PIP4P2: variants seen among roughly 807,000 people sequenced by gnomAD.
PIP4P2 encodes the protein type 2 phosphatidylinositol 4,5-bisphosphate 4-phosphatase.
In PIP4P2, 19 loss-of-function variants were observed where a neutral mutation model predicts 33.3. The observed-to-expected ratio is 0.57, with a 90% CI of 0.40 to 0.84. The LOEUF is 0.84. Among genes scored for constraint, PIP4P2 ranks in the 40% least tolerant of loss-of-function variants. PIP4P2 has a pLI of 0.00. For synonymous variants in PIP4P2, 110 were observed against 111.9 expected (o/e 0.98, Z 0.11); for missense variants, 270 against 324.7 (o/e 0.83, Z 1.29).
intron 4 of PIP4P2, among the ~76,000 whole-genome samples, chr8:91,017,683 C>T (rs1028249173): frequency 2.0e-5 from 3 of 152,010 alleles, no homozygotes; most frequent in Non-Finnish European, 2.9e-5. Context: ...CATGTGTATA[C>T]TCTGATAAAT....
rs563998111 is a variant in PIP4P2 at position 91,004,868 on chromosome 8, T to G, written c.539+3875A>C. ...AGAGTTGGGGGTACTGAGGTGGGGG[T>G]TTAGGAGGAATAGTAGATATCTGGA... On this transcript the variant is annotated intron_variant, in intron 5 of 6. Transcript: ENST00000285419. 1.1e-3 allele frequency among the ~76,000 whole-genome samples: 171 copies of G among 151,762 alleles called. 1 individual carries two copies. The highest frequency in any genetic ancestry group is 4.0e-3 in the African/African-American group (164 of 41,340).
At chr8:91,028,423 G>A (rs1334868591) in intron 1 of PIP4P2, among the ~76,000 whole-genome samples, 1 of 152,122 alleles carries the variant, frequency 6.6e-6, no homozygotes, top group Non-Finnish European at 1.5e-5. Context: ...TACCCAGATG[G>A]TTCAGGAATT....
chr8:91,025,672 TA>T (rs1563567741), intron 1 of PIP4P2, among the ~76,000 whole-genome samples: 1 of 152,214 alleles, frequency 6.6e-6, no homozygotes, highest in East Asian at 1.9e-4. Flanking sequence ...GACGTCAGCT[TA>T]AAATGAGAGA....
In PIP4P2 at chr8:91,018,487, A is replaced by C. The variant is rs1416420246; in HGVS notation, c.389T>G (p.Val130Gly). 1 of 1,613,984 alleles carries C rather than the reference A, an allele frequency of 6.2e-7. No individual in the cohort carries two copies. Among genetic ancestry groups the C allele is most frequent in the Non-Finnish European group, 8.5e-7 (1 of 1,179,922 alleles). ...NCRRIINLGPVMLISEEQPAQ... is the reference protein window; with the variant it reads ...NCRRIINLGPGMLISEEQPAQ... ...TGGTTGTTCTTCAGAAATAAGCATTACTGGGCCAAGGTTAATTATCCGTCT... is the reference window on the plus strand; with the variant it reads ...TGGTTGTTCTTCAGAAATAAGCATTCCTGGGCCAAGGTTAATTATCCGTCT... Residue 130 changes from valine (V) to glycine (G), a missense_variant, in exon 4 of 7, where the codon GTA (valine) becomes GGA (glycine). Val to Gly is a moderately radical substitution (Grantham distance 109). Coordinates refer to ENST00000285419, the MANE Select transcript of PIP4P2 (RefSeq NM_018710.3).
intron 4 of PIP4P2, among the ~76,000 whole-genome samples, chr8:91,013,914 T>TA (rs1811873247): frequency 6.6e-6 from 1 of 152,180 alleles, no homozygotes; most frequent in Non-Finnish European, 1.5e-5. Context: ...GTCACTGATT[T>TA]AATCAATAAA....
intron 4 of PIP4P2, 113 bp downstream of exon 4, chr8:91,018,277 T>C: frequency 6.7e-7 from 1 of 1,502,416 alleles, no homozygotes; most frequent in Admixed American, 2.0e-5. Flanking sequence ...GTCTCTATTT[T>C]AATATTTTGA....
intron 4 of PIP4P2, among the ~76,000 whole-genome samples, chr8:91,011,536 C>T (rs1811837309): frequency 6.6e-6 from 1 of 151,968 alleles, no homozygotes; most frequent in African/African-American, 2.4e-5. Context: ...ATAAAAACTC[C>T]CTCTTAAATA....
rs753697808 is a variant in PIP4P2 at position 91,021,429 on chromosome 8, CAG to C, written c.107-27_107-26del. 135 of 1,610,656 alleles carry C rather than the reference CAG, an allele frequency of 8.4e-5. No homozygotes were observed. In the African/African-American group the frequency reaches 1.7e-3, roughly 20 times the overall value. On this transcript the variant is annotated intron_variant, in intron 1 of 6. Coordinates refer to ENST00000285419, the MANE Select transcript of PIP4P2 (RefSeq NM_018710.3). The stretch of plus-strand genomic sequence containing the variant: ...GCTGAAAAGATATTAGTCACTGAAT[CAG>C]AGTCTTGGAGAAATTACTATGGCTG...
chr8:91,015,584 A>G (rs1206040303), intron 4 of PIP4P2, among the ~76,000 whole-genome samples: 1 of 152,234 alleles, frequency 6.6e-6, no homozygotes, highest in Non-Finnish European at 1.5e-5. Context: ...CTTTGGTGCC[A>G]TAAAGAAATA....
At position 91,007,043 on chromosome 8, in the gene PIP4P2, T is replaced by C. The variant is rs183805959; in HGVS notation, c.539+1700A>G. 1.7e-3 allele frequency among the ~76,000 whole-genome samples: 261 copies of C among 152,338 alleles called. 1 individual carries two copies. The highest frequency in any genetic ancestry group is 6.1e-3 in the African/African-American group (254 of 41,582). Reference sequence around the variant, plus strand: ...ATTTTAATGTTCTTGGTGAATATATTTGCAATTTAATTTTGTACATTTTCG... The same window carrying C: ...ATTTTAATGTTCTTGGTGAATATATCTGCAATTTAATTTTGTACATTTTCG... On this transcript the variant is annotated intron_variant, in intron 5 of 6. Coordinates refer to ENST00000285419, the MANE Select transcript of PIP4P2 (RefSeq NM_018710.3).
intron 4 of PIP4P2, among the ~76,000 whole-genome samples, chr8:91,011,800 C>T (rs1811841020): frequency 7.9e-5 from 12 of 151,812 alleles, no homozygotes; most frequent in Admixed American, 7.9e-4. Flanking sequence ...TTTAACCTTA[C>T]CATTATAGCA....
chr8:91,018,303 A>T, intron 4 of PIP4P2, 87 bp downstream of exon 4: 1 of 1,559,016 alleles, frequency 6.4e-7, no homozygotes, highest in South Asian at 1.2e-5. Context: ...TTGCATTTGG[A>T]CAAAACTATA....
rs1283334156 is a variant in PIP4P2 at position 90,995,619 on chromosome 8, AGTAGCTTACCAAGAACT to A, written c.*41_*57del. 1.3e-6 allele frequency: 2 copies of A among 1,556,556 alleles called. No homozygotes were observed. The highest frequency in any genetic ancestry group is 1.4e-5 in the African/African-American group (1 of 72,072). On this transcript the variant is annotated 3_prime_UTR_variant, in exon 7 of 7. Transcript: ENST00000285419. ...GGATAAATAATTTAAAGATGTCCAGAGTAGCTTACCAAGAACTGCTAGACACTCTCACCTGCATTACT... is the reference window on the plus strand; with the variant it reads ...GGATAAATAATTTAAAGATGTCCAGAGCTAGACACTCTCACCTGCATTACT...
In PIP4P2 at chr8:90,995,088, C is replaced by T. The variant is rs559436626; in HGVS notation, c.*589G>A. 6.6e-6 allele frequency: 1 copy of T among 152,338 alleles called. No homozygotes were observed. Among genetic ancestry groups the T allele is most frequent in the South Asian group, 2.1e-4 (1 of 4,822 alleles). The allele number at this position is 152,338 out of a possible 1,614,324, so 9.4% of individuals were successfully genotyped here. Reference sequence around the variant, plus strand: ...ACTACCAAAATATTTTATCTTTCTACAAACAACAAAAAACAAGCAAACAGT... The same window carrying T: ...ACTACCAAAATATTTTATCTTTCTATAAACAACAAAAAACAAGCAAACAGT... On this transcript the variant is annotated 3_prime_UTR_variant, in exon 7 of 7. Transcript: ENST00000285419.
intron 1 of PIP4P2, among the ~76,000 whole-genome samples, chr8:91,025,957 G>A (rs932572386): frequency 6.6e-6 from 1 of 152,148 alleles, no homozygotes; most frequent in Non-Finnish European, 1.5e-5. Context: ...GGAGACTCAA[G>A]TTCTCCCAGA....
intron 1 of PIP4P2, among the ~76,000 whole-genome samples, chr8:91,030,213 CAAAAA>C (rs35093838): frequency 8.7e-6 from 1 of 114,848 alleles, no homozygotes. Context: ...GACTCCATCT[CAAAAA>C]AAAAAAAAAA....
At chr8:91,032,617 C>T (rs536394303) in intron 1 of PIP4P2, among the ~76,000 whole-genome samples, 86 of 151,968 alleles carry the variant, frequency 5.7e-4, no homozygotes, top group Non-Finnish European at 1.0e-3. Flanking sequence ...CCCACCTCTC[C>T]TAAAAATACA....
At chr8:91,034,504 C>G (rs1475533115) in intron 1 of PIP4P2, among the ~76,000 whole-genome samples, 1 of 152,164 alleles carries the variant, frequency 6.6e-6, no homozygotes, top group Non-Finnish European at 1.5e-5. Context: ...ATTCAAGAAC[C>G]ATTTTGAAAA....
chr8:91,024,044 A>C lies in PIP4P2; in HGVS notation c.107-2640T>G, dbSNP rs192139380. Among the ~76,000 whole-genome samples, 276 of 152,232 alleles carry C rather than the reference A, an allele frequency of 1.8e-3. 2 individuals are homozygous for C. The highest frequency in any genetic ancestry group is 0.01 in the Middle Eastern group (3 of 294). ...AAAACAAGGGCTTCTTTTATATAGA[A>C]GACAACTCTCTCCAAATAATGCACT... is the stretch of plus-strand genomic sequence containing the variant. On this transcript the variant is annotated intron_variant, in intron 1 of 6. Coordinates refer to ENST00000285419, the MANE Select transcript of PIP4P2 (RefSeq NM_018710.3).
Sources: allele counts gnomAD v4.1 joint callset (sites outside exome capture counted in the v4.1 genomes callset), GRCh38; gene constraint gnomAD v4.1.1; transcripts MANE v1.5; gene names NCBI Gene and HGNC (gene_info 2026-07-23, HGNC 2026-07-21).